The following ASAP2 variants were observed in gnomAD, a reference collection of about 807,000 sequenced individuals.
ASAP2 encodes arf-GAP with SH3 domain, ANK repeat and PH domain-containing protein 2.
Under a neutral mutation model 131.4 loss-of-function variants are expected in ASAP2, and 45 were observed. That is an observed-to-expected ratio of 0.34 (90% confidence interval 0.27 to 0.44). ASAP2 has a LOEUF of 0.44. Ranked by LOEUF, ASAP2 falls within the 20% of genes least tolerant of loss-of-function variation. ASAP2 has a pLI of 1.00. For missense variants in ASAP2, 1,011 were observed against 1,297.0 expected (o/e 0.78, Z 3.39); for synonymous variants, 510 against 503.0 (o/e 1.01, Z -0.19).
intron 15 of ASAP2, among the ~76,000 whole-genome samples, chr2:9,367,606 C>T (rs1260583167): frequency 1.3e-5 from 2 of 151,884 alleles, no homozygotes; most frequent in African/African-American, 4.8e-5. Context: ...ACAAACAATA[C>T]AAAAATCAGC....
At position 9,391,244 on chromosome 2, in the gene ASAP2, T is replaced by C. The variant is rs537098660; in HGVS notation, c.2518+48T>C. 2.0e-5 allele frequency: 32 copies of C among 1,573,638 alleles called. 1 individual carries two copies. In the South Asian group the frequency reaches 3.9e-4, roughly 19 times the overall value. Reference sequence around the variant, plus strand: ...TTCTTGCCCGTGGGCTTTGTAGATCTGGATGGCGGGGGGTGCTCTCTGGAG... The same window carrying C: ...TTCTTGCCCGTGGGCTTTGTAGATCCGGATGGCGGGGGGTGCTCTCTGGAG... On this transcript the variant is annotated intron_variant, in intron 23 of 27. Transcript: ENST00000281419.
rs1247880814 is a variant in ASAP2 at position 9,405,615 on chromosome 2, A to ATAAG, written c.*2290_*2293dup. 3 of 152,668 alleles carry ATAAG rather than the reference A, an allele frequency of 2.0e-5. No individual in the cohort carries two copies. The highest frequency in any genetic ancestry group is 4.4e-5 in the Non-Finnish European group (3 of 68,052). 9.5% of individuals were successfully genotyped at this position (152,668 alleles called of 1,614,324 possible). A position where few individuals can be genotyped will look rare whatever the true frequency, so the allele number is the denominator to read the frequency against. On this transcript the variant is annotated 3_prime_UTR_variant, in exon 28 of 28. Coordinates refer to ENST00000281419, the MANE Select transcript of ASAP2 (RefSeq NM_003887.3). Reference sequence around the variant, plus strand: ...GTGATTTATAATTAGAGCATGTTTAATAAGTTTACTCTTCTTGTTAACTAG... The same window carrying ATAAG: ...GTGATTTATAATTAGAGCATGTTTAATAAGTAAGTTTACTCTTCTTGTTAACTAG...
intron 1 of ASAP2, among the ~76,000 whole-genome samples, chr2:9,248,992 C>T (rs181865807): frequency 1.3e-5 from 2 of 152,302 alleles, no homozygotes; most frequent in East Asian, 3.9e-4. Flanking sequence ...TTCCTCCCAA[C>T]CCGAATACAT....
intron 1 of ASAP2, among the ~76,000 whole-genome samples, chr2:9,215,319 G>A (rs971372914): frequency 6.6e-6 from 1 of 152,118 alleles, no homozygotes; most frequent in African/African-American, 2.4e-5. Context: ...TTGAAATTCA[G>A]TTAGGAGAAT....
intron 3 of ASAP2, among the ~76,000 whole-genome samples, chr2:9,313,867 G>A (rs183205664): frequency 4.6e-5 from 7 of 152,268 alleles, no homozygotes; most frequent in African/African-American, 1.7e-4. Context: ...ATTAGTATCT[G>A]TGCAGTGTAA....
chr2:9,308,114 A>G (rs1016151214), intron 3 of ASAP2, among the ~76,000 whole-genome samples: 1 of 152,246 alleles, frequency 6.6e-6, no homozygotes, highest in Non-Finnish European at 1.5e-5. Flanking sequence ...AGACTGGGTA[A>G]CATATATATA....
In ASAP2 at chr2:9,232,932, G is replaced by A. The variant is rs1231351402; in HGVS notation, c.126+25702G>A. On this transcript the variant is annotated intron_variant, in intron 1 of 27. Coordinates refer to ENST00000281419, the MANE Select transcript of ASAP2 (RefSeq NM_003887.3). The surrounding 1 kb of genome is among the most constrained non-coding windows in gnomAD (Gnocchi z 4.1). Reference sequence around the variant, plus strand: ...GCCCTTCTGGAAGAAGGAATTCCACGTTAGACGTGTTCCCAGCTGCAGTTT... The same window carrying A: ...GCCCTTCTGGAAGAAGGAATTCCACATTAGACGTGTTCCCAGCTGCAGTTT... 6.6e-6 allele frequency among the ~76,000 whole-genome samples: 1 copy of A among 152,216 alleles called. No individual in the cohort carries two copies. Among genetic ancestry groups the A allele is most frequent in the African/African-American group, 2.4e-5 (1 of 41,450 alleles).
intron 3 of ASAP2, among the ~76,000 whole-genome samples, chr2:9,304,973 G>A (rs1361209445): frequency 6.7e-6 from 1 of 148,614 alleles, no homozygotes; most frequent in Admixed American, 6.7e-5. Flanking sequence ...TAATAGTGGG[G>A]TATAGATATT....
intron 3 of ASAP2, among the ~76,000 whole-genome samples, chr2:9,316,485 T>C (rs1158311125): frequency 6.6e-6 from 1 of 152,172 alleles, no homozygotes; most frequent in Non-Finnish European, 1.5e-5. Context: ...GTCCTTCTCC[T>C]TCTCTGGGCC....
intron 2 of ASAP2, among the ~76,000 whole-genome samples, chr2:9,282,373 G>C (rs926060583): frequency 2.6e-5 from 4 of 152,200 alleles, no homozygotes; most frequent in Non-Finnish European, 5.9e-5. Flanking sequence ...CTGAGGAAAC[G>C]TGATACTTTC....
chr2:9,225,077 G>GT (rs1465512216), intron 1 of ASAP2, among the ~76,000 whole-genome samples: 1 of 152,214 alleles, frequency 6.6e-6, no homozygotes, highest in Non-Finnish European at 1.5e-5. Context: ...GCTCCAGCCT[G>GT]TTTTTGTATG....
At chr2:9,394,300 G>A (rs140369800) in intron 24 of ASAP2, among the ~76,000 whole-genome samples, 4,828 of 151,882 alleles carry the variant, frequency 0.032, 102 homozygotes, top group Non-Finnish European at 0.048. Flanking sequence ...GAGTAGCTGG[G>A]ACTACAGGTG....
intron 15 of ASAP2, among the ~76,000 whole-genome samples, chr2:9,360,191 A>G (rs1672990175): frequency 6.6e-6 from 1 of 152,246 alleles, no homozygotes; most frequent in Admixed American, 6.5e-5. Context: ...GAAAGTGTTA[A>G]GTGATTCAAG....
At chr2:9,342,510 A>C (rs1671657975) in intron 9 of ASAP2, among the ~76,000 whole-genome samples, 1 of 152,226 alleles carries the variant, frequency 6.6e-6, no homozygotes, top group Non-Finnish European at 1.5e-5. Context: ...ATTAATTCAA[A>C]ATGAGTCAAA....
At chr2:9,285,471 T>A (rs1462695956) in intron 2 of ASAP2, among the ~76,000 whole-genome samples, 1 of 152,228 alleles carries the variant, frequency 6.6e-6, no homozygotes, top group African/African-American at 2.4e-5. Flanking sequence ...GTCTTCAAAA[T>A]GATGGCAACC....
intron 1 of ASAP2, among the ~76,000 whole-genome samples, chr2:9,240,642 A>T (rs531128587): frequency 7.9e-5 from 12 of 152,298 alleles, no homozygotes; most frequent in African/African-American, 2.9e-4. Flanking sequence ...CAAAGCTAGC[A>T]TGAGTTTATT....
At chr2:9,331,351 A>T (rs943864039) in intron 7 of ASAP2, among the ~76,000 whole-genome samples, 3 of 152,218 alleles carry the variant, frequency 2.0e-5, no homozygotes, top group Non-Finnish European at 4.4e-5. Context: ...AGGAATTTTC[A>T]TCTCTACCTC....
At chr2:9,228,250 A>C (rs1304286815) in intron 1 of ASAP2, among the ~76,000 whole-genome samples, 1 of 152,176 alleles carries the variant, frequency 6.6e-6, no homozygotes, top group Non-Finnish European at 1.5e-5. Context: ...CTTTTGAGAG[A>C]ATCATATCTT....
Position 9,217,620 on chromosome 2 carries a change from G to T in ASAP2, c.126+10390G>T, listed in dbSNP as rs13423996. ...TCTTAGAGGTATGTTTTTGTTTTTTGTTTTTTTTTTTGAGACGGAGTCTTC... is the reference window on the plus strand; with the variant it reads ...TCTTAGAGGTATGTTTTTGTTTTTTTTTTTTTTTTTTGAGACGGAGTCTTC... On this transcript the variant is annotated intron_variant, in intron 1 of 27. Coordinates refer to ENST00000281419, the MANE Select transcript of ASAP2 (RefSeq NM_003887.3). This position sits in a 1 kb window ranked among gnomAD's most constrained non-coding sequence, Gnocchi z 4.0. Among the ~76,000 whole-genome samples, 4 of 147,492 alleles carry T rather than the reference G, an allele frequency of 2.7e-5. No homozygotes were observed. Among genetic ancestry groups the T allele is most frequent in the African/African-American group, 5.0e-5 (2 of 40,022 alleles).
Sources: allele counts gnomAD v4.1 joint callset (sites outside exome capture counted in the v4.1 genomes callset), GRCh38; gene constraint gnomAD v4.1.1; non-coding constraint Gnocchi (gnomAD v3.1); transcripts MANE v1.5; gene names NCBI Gene and HGNC (gene_info 2026-07-23, HGNC 2026-07-21).